The following GRM1 variants were observed in gnomAD, a reference collection of about 807,000 sequenced individuals.
The protein encoded by GRM1 is metabotropic glutamate receptor 1.
In GRM1, 33 loss-of-function variants were observed where a neutral mutation model predicts 90.9. The observed-to-expected ratio is 0.36, with a 90% CI of 0.28 to 0.49. The LOEUF is 0.49. GRM1 is among the 20% of genes least tolerant of loss of function. The pLI, the probability that GRM1 is intolerant of heterozygous loss-of-function variation, is 0.99. For missense variants in GRM1, 1,190 were observed against 1,534.3 expected (o/e 0.78, Z 3.75); for synonymous variants, 700 against 613.2 (o/e 1.14, Z -2.09).
chr6:146,370,518 A>G (rs745353353), intron 5 of GRM1, among the ~76,000 whole-genome samples: 29 of 152,240 alleles, frequency 1.9e-4, no homozygotes, highest in Admixed American at 1.4e-3. Flanking sequence ...TTCTAGAGAT[A>G]TACTTAATCC....
intron 1 of GRM1, among the ~76,000 whole-genome samples, chr6:146,125,191 T>C (rs963440670): frequency 1.3e-5 from 2 of 151,942 alleles, no homozygotes; most frequent in Non-Finnish European, 2.9e-5. Flanking sequence ...AAAAATGGAG[T>C]AGACGAAAAT....
At chr6:146,309,546 T>C (rs1258422556) in intron 3 of GRM1, among the ~76,000 whole-genome samples, 6 of 152,312 alleles carry the variant, frequency 3.9e-5, no homozygotes, top group African/African-American at 1.4e-4. Context: ...CTATCTTATT[T>C]CACTCAGGAT....
chr6:146,082,586 A>G (rs2128863893), intron 1 of GRM1, among the ~76,000 whole-genome samples: 1 of 152,218 alleles, frequency 6.6e-6, no homozygotes, highest in East Asian at 1.9e-4. Flanking sequence ...ATATCCAATC[A>G]ATCACCAAGT....
intron 7 of GRM1, among the ~76,000 whole-genome samples, chr6:146,416,285 A>G (rs558218119): frequency 3.1e-3 from 466 of 151,494 alleles, no homozygotes; most frequent in Non-Finnish European, 5.7e-3. Flanking sequence ...GTTCCATTTT[A>G]TTTTTTTTCC....
chr6:146,129,581 C>T (rs1444684670), intron 1 of GRM1, among the ~76,000 whole-genome samples: 1 of 152,126 alleles, frequency 6.6e-6, no homozygotes, highest in Non-Finnish European at 1.5e-5. Flanking sequence ...GACTTGTGGC[C>T]TTTGATTCAT....
chr6:146,085,275 T>A (rs1031379781), intron 1 of GRM1, among the ~76,000 whole-genome samples: 5 of 152,152 alleles, frequency 3.3e-5, no homozygotes, highest in South Asian at 4.1e-4. Context: ...AGGGAGAAAC[T>A]GGGAGAATAA....
chr6:146,329,332 A>G (rs947912959), intron 3 of GRM1, among the ~76,000 whole-genome samples: 19 of 152,120 alleles, frequency 1.2e-4, no homozygotes, highest in Admixed American at 1.0e-3. Flanking sequence ...ACTATTTCAG[A>G]TGGGGCACCC....
chr6:146,061,433 T>G (rs1775665660), intron 1 of GRM1, among the ~76,000 whole-genome samples: 1 of 152,018 alleles, frequency 6.6e-6, no homozygotes, highest in African/African-American at 2.4e-5. Context: ...ATGCCTGTAC[T>G]GAAATGCCCT....
At chr6:146,204,836 A>T (rs1428495169) in intron 2 of GRM1, among the ~76,000 whole-genome samples, 2 of 152,196 alleles carry the variant, frequency 1.3e-5, no homozygotes, top group East Asian at 3.9e-4. Context: ...CTAAGGGAAC[A>T]GACCCAATGT....
rs1017222186 is a variant in GRM1, at chr6:146,228,363, G to T, written c.950+68766G>T. On this transcript the variant is annotated intron_variant, in intron 2 of 7. Transcript: ENST00000282753. ...CAGAAGAGCAGAAGGACAAGCATTT[G>T]CCTGCAAAAGAAAGGAGCACCAGGG... Among the ~76,000 whole-genome samples, 9 of 152,162 alleles carry T rather than the reference G, an allele frequency of 5.9e-5. 1 individual carries two copies. The highest frequency in any genetic ancestry group is 1.4e-4 in the African/African-American group (6 of 41,442).
chr6:146,425,545 C>T (rs1358205403), intron 7 of GRM1, among the ~76,000 whole-genome samples: 1 of 152,186 alleles, frequency 6.6e-6, no homozygotes, highest in African/African-American at 2.4e-5. Flanking sequence ...CCAGGATCTT[C>T]TGGGTAGAGG....
At chr6:146,133,880 G>A (rs1312277239) in intron 1 of GRM1, among the ~76,000 whole-genome samples, 3 of 152,184 alleles carry the variant, frequency 2.0e-5, no homozygotes, top group African/African-American at 7.2e-5. Flanking sequence ...CTTTTCAGGA[G>A]CAAGAGAAAA....
chr6:146,076,096 T>C (rs908973137), intron 1 of GRM1, among the ~76,000 whole-genome samples: 1 of 152,082 alleles, frequency 6.6e-6, no homozygotes, highest in African/African-American at 2.4e-5. Context: ...GTGTTTGGGG[T>C]CCAGGGACCA....
At chr6:146,122,962 A>G (rs1316024094) in intron 1 of GRM1, among the ~76,000 whole-genome samples, 6 of 147,952 alleles carry the variant, frequency 4.1e-5, no homozygotes, top group Non-Finnish European at 8.9e-5. Context: ...CTCCTGCCTC[A>G]GGCTCCTGAG....
intron 5 of GRM1, among the ~76,000 whole-genome samples, chr6:146,385,830 G>A (rs1433788208): frequency 6.6e-6 from 1 of 151,838 alleles, no homozygotes; most frequent in Non-Finnish European, 1.5e-5. Context: ...TTACTGTAGG[G>A]TTCTTACATT....
At chr6:146,120,715 G>A (rs1332811672) in intron 1 of GRM1, among the ~76,000 whole-genome samples, 1 of 152,060 alleles carries the variant, frequency 6.6e-6, no homozygotes, top group Non-Finnish European at 1.5e-5. Context: ...TTTGTCTTTG[G>A]TTCTATTTAT....
In GRM1 at chr6:146,343,329, A is replaced by G. The variant is rs141227378; in HGVS notation, c.1187-8921A>G. Among the ~76,000 whole-genome samples, 1,139 of 152,336 alleles carry G rather than the reference A, an allele frequency of 7.5e-3. 6 individuals carry two copies. The highest frequency in any genetic ancestry group is 0.026 in the African/African-American group (1,075 of 41,574). The stretch of plus-strand genomic sequence containing the variant: ...TTACTTTTTATGGCTTTTTAAAAAA[A>G]TGCTATGCTCTTTGAAAGCTACTCA... On this transcript the variant is annotated intron_variant, in intron 3 of 7. Coordinates refer to ENST00000282753, the MANE Select transcript of GRM1 (RefSeq NM_001278064.2).
chr6:146,033,819 G>T lies in GRM1; in HGVS notation c.700+3602G>T, dbSNP rs143973368. On this transcript the variant is annotated intron_variant, in intron 1 of 7. Transcript: ENST00000282753. ...ATATAAAACAATTAAAAAGTCTAATGACATCAGAAAAAAGTCCTCCTAAGT... is the reference window on the plus strand; with the variant it reads ...ATATAAAACAATTAAAAAGTCTAATTACATCAGAAAAAAGTCCTCCTAAGT... Among the ~76,000 whole-genome samples the T allele has an allele frequency of 5.0e-3, 755 of 151,766 alleles. 4 individuals carry two copies. Among genetic ancestry groups the T allele is most frequent in the Admixed American group, 0.011 (172 of 15,234 alleles).
chr6:146,373,182 C>G (rs768771978), intron 5 of GRM1, among the ~76,000 whole-genome samples: 21 of 152,066 alleles, frequency 1.4e-4, no homozygotes, highest in Non-Finnish European at 2.5e-4. Context: ...TCTTCCACCT[C>G]TTTTGTTAAT....
Sources: allele counts gnomAD v4.1 joint callset (sites outside exome capture counted in the v4.1 genomes callset), GRCh38; gene constraint gnomAD v4.1.1; transcripts MANE v1.5; gene names NCBI Gene and HGNC (gene_info 2026-07-23, HGNC 2026-07-21).